The following CACNA1E variants were observed in gnomAD, a reference collection of about 807,000 sequenced individuals.
CACNA1E encodes voltage-dependent R-type calcium channel subunit alpha-1E.
Under a neutral mutation model 259.2 loss-of-function variants are expected in CACNA1E, and 40 were observed. The ratio of observed to expected loss-of-function variants is 0.15; its 90% confidence interval spans 0.12 to 0.20. The LOEUF is 0.20. CACNA1E is among the 10% of genes least tolerant of loss of function. The probability of loss-of-function intolerance (pLI) is 1.00; values close to 1 mark genes in which losing one functional copy is unlikely to be tolerated. For synonymous variants in CACNA1E, 1,104 were observed against 1,138.5 expected (o/e 0.97, Z 0.61); for missense variants, 1,874 against 3,040.1 (o/e 0.62, Z 9.02).
At chr1:181,598,541 C>T (rs1253958151) in intron 6 of CACNA1E, among the ~76,000 whole-genome samples, 1 of 152,010 alleles carries the variant, frequency 6.6e-6, no homozygotes, top group Non-Finnish European at 1.5e-5. Context: ...GTGGAAAATG[C>T]CTGGAGATGA....
chr1:181,460,817 G>T (rs1425431225), intron 2 of CACNA1E, among the ~76,000 whole-genome samples: 2 of 152,178 alleles, frequency 1.3e-5, no homozygotes, highest in Non-Finnish European at 2.9e-5. Flanking sequence ...CTTGGATTCT[G>T]CCAGCCCTGA....
intron 2 of CACNA1E, among the ~76,000 whole-genome samples, chr1:181,474,728 A>T (rs899988411): frequency 4.6e-5 from 7 of 152,176 alleles, no homozygotes; most frequent in African/African-American, 1.7e-4. Flanking sequence ...TTTTCTGTGG[A>T]AAGGGATCTC....
chr1:181,433,942 A>G (rs72729398), intron 2 of CACNA1E, among the ~76,000 whole-genome samples: 16,765 of 152,274 alleles, frequency 0.11, 1,172 homozygotes, highest in South Asian at 0.2. Flanking sequence ...GTAAAAAGCA[A>G]TAGCCAAATG....
chr1:181,664,021 C>T (rs945719641), intron 7 of CACNA1E, among the ~76,000 whole-genome samples: 5 of 152,166 alleles, frequency 3.3e-5, no homozygotes, highest in Non-Finnish European at 7.4e-5. Context: ...AAAGACAAAA[C>T]AGTTATTCTT....
intron 1 of CACNA1E, among the ~76,000 whole-genome samples, chr1:181,337,839 A>G (rs1240088303): frequency 6.6e-6 from 1 of 152,248 alleles, no homozygotes; most frequent in Non-Finnish European, 1.5e-5. Flanking sequence ...AAATATCTCT[A>G]CAAGGTACTG....
intron 6 of CACNA1E, among the ~76,000 whole-genome samples, chr1:181,639,583 T>C (rs940291149): frequency 5.9e-5 from 9 of 152,222 alleles, no homozygotes; most frequent in Non-Finnish European, 1.0e-4. Flanking sequence ...TGTGTTGCTC[T>C]CCCATCTTCA....
In CACNA1E at chr1:181,738,266, G is replaced by T. The variant is rs947503021; in HGVS notation, c.3553-101G>T. The T allele has an allele frequency of 5.6e-6, 5 of 890,418 alleles. No homozygotes were observed. In the African/African-American group the frequency reaches 6.5e-5, roughly 12 times the overall value. 55.2% of individuals were successfully genotyped at this position (890,418 alleles called of 1,614,324 possible). ...CTGAGGGTGCAGTGGGTGAGGGCCA[G>T]GGTGGGCGTGCACGAGTGCATGTGT... On this transcript the variant is annotated intron_variant, in intron 23 of 47. Coordinates refer to ENST00000367573, the MANE Select transcript of CACNA1E (RefSeq NM_001205293.3).
rs142024421 is a variant in CACNA1E, at chr1:181,553,451, G to A, written c.513-24315G>A. Among the ~76,000 whole-genome samples, 6 of 152,272 alleles carry A rather than the reference G, an allele frequency of 3.9e-5. No homozygotes were observed. The East Asian group carries it at 1.2e-3, about 29-fold the overall frequency. Reference sequence around the variant, plus strand: ...TATACAATTATGTCATCTGCAAACAGAGACAACTTGGCTTCCTCTCTTCCT... The same window carrying A: ...TATACAATTATGTCATCTGCAAACAAAGACAACTTGGCTTCCTCTCTTCCT... On this transcript the variant is annotated intron_variant, in intron 3 of 47. Transcript: ENST00000367573.
At chr1:181,338,473 T>C (rs576736310) in intron 1 of CACNA1E, among the ~76,000 whole-genome samples, 2 of 149,850 alleles carry the variant, frequency 1.3e-5, no homozygotes, top group East Asian at 3.9e-4. Context: ...GTGTCTTCTT[T>C]GGAAAAATGT....
intron 3 of CACNA1E, among the ~76,000 whole-genome samples, chr1:181,566,432 A>G (rs192816685): frequency 6.6e-6 from 1 of 152,322 alleles, no homozygotes; most frequent in Non-Finnish European, 1.5e-5. Context: ...GTTTTTCTCC[A>G]TCTCTTGGCA....
chr1:181,483,729 C>A lies in CACNA1E; in HGVS notation c.-16C>A. 6.3e-7 allele frequency: 1 copy of A among 1,579,986 alleles called. No individual in the cohort carries two copies. Among genetic ancestry groups the A allele is most frequent in the South Asian group, 1.1e-5 (1 of 88,430 alleles). Reference sequence around the variant, plus strand: ...GCGATCACCTTTGTGTGTCTTCTGTCTGTTTAAACCTCAGGATGGCTCGCT... The same window carrying A: ...GCGATCACCTTTGTGTGTCTTCTGTATGTTTAAACCTCAGGATGGCTCGCT... On this transcript the variant is annotated 5_prime_UTR_variant, in exon 1 of 48. It adds an upstream start codon to the 5' untranslated region. Transcript: ENST00000367573.
chr1:181,753,739 C>G (rs1213315716), intron 27 of CACNA1E, among the ~76,000 whole-genome samples: 1 of 152,228 alleles, frequency 6.6e-6, no homozygotes, highest in African/African-American at 2.4e-5. Context: ...CACGCCTACC[C>G]CAGACCTCCT....
At position 181,798,612 on chromosome 1, in the gene CACNA1E, C is replaced by G; in HGVS notation, c.6720C>G (p.His2240Gln). ...EPYLALHEDSHASDCGEEETL... is the reference protein window; with the variant it reads ...EPYLALHEDSQASDCGEEETL... ...ACTTGGCCCTGCACGAAGACTCCCA[C>G]GCCTCAGACTGTGGTGAGGAGGAGA... is the stretch of plus-strand genomic sequence containing the variant. The change falls in exon 48 of 48, where the codon CAC (histidine) becomes CAG (glutamine). Residue 2240 changes from histidine to glutamine, a missense_variant. By Grantham distance (24) the His-to-Gln change is conservative. Transcript: ENST00000367573. The surrounding 1 kb of genome is among the most constrained non-coding windows in gnomAD (Gnocchi z 4.2). 2 of 1,613,112 alleles carry G rather than the reference C, an allele frequency of 1.2e-6. No individual in the cohort carries two copies. The highest frequency in any genetic ancestry group is 1.7e-6 in the Non-Finnish European group (2 of 1,179,724).
chr1:181,696,205 C>T lies in CACNA1E; in HGVS notation c.1056-14749C>T, dbSNP rs563229689. On this transcript the variant is annotated intron_variant, in intron 7 of 47. Transcript: ENST00000367573. ...GACACAGACTAGGAGACAATATTTA[C>T]GTAACATATATCTTTTTTTTTTTTT... Among the ~76,000 whole-genome samples, 8 of 150,702 alleles carry T rather than the reference C, an allele frequency of 5.3e-5. No homozygotes were observed. In the South Asian group the frequency reaches 6.3e-4, roughly 12 times the overall value.
At chr1:181,375,408 G>A (rs2101974751) in intron 1 of CACNA1E, among the ~76,000 whole-genome samples, 1 of 152,298 alleles carries the variant, frequency 6.6e-6, no homozygotes, top group South Asian at 2.1e-4. Flanking sequence ...ACCCCCAGCT[G>A]CAAGGTTTGA....
chr1:181,563,807 G>A (rs1649552711), intron 3 of CACNA1E, among the ~76,000 whole-genome samples: 1 of 152,176 alleles, frequency 6.6e-6, no homozygotes, highest in Non-Finnish European at 1.5e-5. Flanking sequence ...GAGAATGGTT[G>A]TTTGGCTCCA....
At chr1:181,778,226 G>C (rs61177354) in intron 38 of CACNA1E, among the ~76,000 whole-genome samples, 1 of 152,118 alleles carries the variant, frequency 6.6e-6, no homozygotes, top group South Asian at 2.1e-4. Context: ...TCTTCAAAAG[G>C]GGGGCTGAAA....
chr1:181,790,374 C>T, intron 43 of CACNA1E, 71 bp from the exon 44 acceptor site: 5 of 938,838 alleles, frequency 5.3e-6, no homozygotes, highest in Non-Finnish European at 8.7e-6. Flanking sequence ...AAGGGTGTTG[C>T]CCTGCTGGGG....
At chr1:181,410,639 G>C (rs1657780635) in intron 1 of CACNA1E, among the ~76,000 whole-genome samples, 1 of 152,168 alleles carries the variant, frequency 6.6e-6, no homozygotes, top group African/African-American at 2.4e-5. Context: ...GGGGCTGGGA[G>C]AGGCATTTAT....
Sources: allele counts gnomAD v4.1 joint callset (sites outside exome capture counted in the v4.1 genomes callset), GRCh38; gene constraint gnomAD v4.1.1; non-coding constraint Gnocchi (gnomAD v3.1); transcripts MANE v1.5; gene names NCBI Gene and HGNC (gene_info 2026-07-23, HGNC 2026-07-21).